Variants in ANGPT2 observed in about 807,000 individuals in gnomAD.
ANGPT2 encodes angiopoietin 2, also known as angiopoietin-2.
ANGPT2 carries 28 observed loss-of-function variants against 62.9 expected under a neutral mutation model. That is an observed-to-expected ratio of 0.44 (90% confidence interval 0.33 to 0.61). The LOEUF (loss-of-function observed/expected upper bound fraction) is 0.61. ANGPT2 is among the 20% of genes least tolerant of loss of function. ANGPT2 has a pLI of 0.03. For missense variants in ANGPT2, 727 were observed against 594.9 expected (o/e 1.22, Z -2.31); for synonymous variants, 284 against 207.8 (o/e 1.37, Z -3.15).
At chr8:6,515,755 G>C (rs1443866988) in intron 5 of ANGPT2, among the ~76,000 whole-genome samples, 1 of 152,214 alleles carries the variant, frequency 6.6e-6, no homozygotes, top group Non-Finnish European at 1.5e-5. Flanking sequence ...AAAACCAATT[G>C]TAAATATTCT....
chr8:6,527,871 A>T (rs1324075174), intron 2 of ANGPT2, among the ~76,000 whole-genome samples, 195 bp from the exon 3 acceptor site: 2 of 148,526 alleles, frequency 1.3e-5, no homozygotes, highest in African/African-American at 4.9e-5. Context: ...AGTGTGTTAA[A>T]CCTTTTTACT....
In ANGPT2 at chr8:6,559,230, A is replaced by AACACACACACACACAC. The variant is rs59299448; in HGVS notation, c.288+3401_288+3416dup. Among the ~76,000 whole-genome samples the AACACACACACACACAC allele has an allele frequency of 4.6e-3, 673 of 146,816 alleles. 8 individuals are homozygous for AACACACACACACACAC. The highest frequency in any genetic ancestry group is 0.022 in the East Asian group (107 of 4,966). ...TGAGTGTTTTGTAGCCACACACGAC[A>AACACACACACACACAC]ACACACACACACACACACACACACA... On this transcript the variant is annotated intron_variant, in intron 1 of 8. Coordinates refer to ENST00000629816, the MANE Select transcript of ANGPT2 (RefSeq NM_001118887.2).
chr8:6,537,865 G>A (rs1405352585), intron 1 of ANGPT2, among the ~76,000 whole-genome samples: 1 of 152,124 alleles, frequency 6.6e-6, no homozygotes, highest in Non-Finnish European at 1.5e-5. Flanking sequence ...ACCAACTGTA[G>A]ATGCTGGTTG....
intron 3 of ANGPT2, among the ~76,000 whole-genome samples, chr8:6,522,315 A>G (rs1817513695): frequency 6.6e-6 from 1 of 152,062 alleles, no homozygotes; most frequent in African/African-American, 2.4e-5. Flanking sequence ...AGATCATGCC[A>G]CTGCACTCCA....
Position 6,503,095 on chromosome 8 carries a change from G to C in ANGPT2, c.*6C>G, listed in dbSNP as rs760950491. ...TCGAGACAGTTCCTCAGGTGGACTGGGATGTTTAGAAATCTGCTGGTCGGA... is the reference window on the plus strand; with the variant it reads ...TCGAGACAGTTCCTCAGGTGGACTGCGATGTTTAGAAATCTGCTGGTCGGA... On this transcript the variant is annotated 3_prime_UTR_variant, in exon 9 of 9. Transcript: ENST00000629816. 7 of 1,614,038 alleles carry C rather than the reference G, an allele frequency of 4.3e-6. No individual in the cohort carries two copies. The highest frequency in any genetic ancestry group is 3.3e-4 in the Middle Eastern group (2 of 6,076).
intron 1 of ANGPT2, among the ~76,000 whole-genome samples, chr8:6,557,760 C>A (rs979317682): frequency 4.0e-5 from 6 of 151,768 alleles, no homozygotes; most frequent in Non-Finnish European, 7.4e-5. Context: ...TGCTGACTTG[C>A]CATTAAGTAC....
At chr8:6,542,492 C>T (rs185663180) in intron 1 of ANGPT2, among the ~76,000 whole-genome samples, 3 of 152,088 alleles carry the variant, frequency 2.0e-5, no homozygotes, top group Admixed American at 6.6e-5. Flanking sequence ...GGGACGCTAG[C>T]GCCTGGGTCA....
chr8:6,512,404 G>A (rs958700442), intron 7 of ANGPT2, among the ~76,000 whole-genome samples: 1 of 152,276 alleles, frequency 6.6e-6, no homozygotes, highest in African/African-American at 2.4e-5. Context: ...TTAATGAGAT[G>A]AAGACGAGAC....
intron 2 of ANGPT2, among the ~76,000 whole-genome samples, chr8:6,531,133 G>A (rs182650424): frequency 3.9e-5 from 6 of 152,084 alleles, no homozygotes; most frequent in Admixed American, 1.3e-4. Context: ...AGCTTGGAGC[G>A]TCTGCATTTG....
intron 1 of ANGPT2, among the ~76,000 whole-genome samples, chr8:6,541,578 A>T (rs1457871491): frequency 2.6e-5 from 4 of 152,170 alleles, no homozygotes; most frequent in Non-Finnish European, 4.4e-5. Context: ...GTGGCCTCTG[A>T]GTTATTCTGC....
intron 1 of ANGPT2, among the ~76,000 whole-genome samples, chr8:6,538,146 G>A (rs1224975970): frequency 6.6e-6 from 1 of 150,994 alleles, no homozygotes; most frequent in Non-Finnish European, 1.5e-5. Context: ...TTCCCACCCA[G>A]CCCTTCCATT....
At chr8:6,520,757 C>CT (rs1296184944) in intron 4 of ANGPT2, among the ~76,000 whole-genome samples, 1 of 152,192 alleles carries the variant, frequency 6.6e-6, no homozygotes, top group Non-Finnish European at 1.5e-5. Context: ...GCAAAATGTG[C>CT]TTAAGAACCT....
At chr8:6,554,596 T>C (rs1419912455) in intron 1 of ANGPT2, among the ~76,000 whole-genome samples, 1 of 152,244 alleles carries the variant, frequency 6.6e-6, no homozygotes, top group Non-Finnish European at 1.5e-5. Flanking sequence ...GTTTTTAAAA[T>C]AGTAAAATAT....
Position 6,505,285 on chromosome 8 carries a change from T to TATATTC in ANGPT2, c.1328-2025_1328-2024insGAATAT, listed in dbSNP as rs1563305563. 3.8e-5 allele frequency among the ~76,000 whole-genome samples: 4 copies of TATATTC among 105,298 alleles called. 1 individual carries two copies. The highest frequency in any genetic ancestry group is 2.0e-4 in the African/African-American group (4 of 19,704). The allele number at this position is 105,298 out of a possible 152,430, so 69.1% of individuals were successfully genotyped here. A position where few individuals can be genotyped will look rare whatever the true frequency, so the allele number is the denominator to read the frequency against. The stretch of plus-strand genomic sequence containing the variant: ...TTTTATATATATGTATACATATATA[T>TATATTC]GTTATATACATATATATGTATATAA... On this transcript the variant is annotated intron_variant, in intron 8 of 8. Coordinates refer to ENST00000629816, the MANE Select transcript of ANGPT2 (RefSeq NM_001118887.2).
intron 1 of ANGPT2, among the ~76,000 whole-genome samples, chr8:6,537,192 G>A (rs1212264412): frequency 2.0e-5 from 3 of 152,138 alleles, no homozygotes; most frequent in African/African-American, 7.2e-5. Context: ...TCGCAGGAAT[G>A]TTTGCCATCG....
At chr8:6,544,758 A>G (rs913374082) in intron 1 of ANGPT2, among the ~76,000 whole-genome samples, 1 of 152,232 alleles carries the variant, frequency 6.6e-6, no homozygotes, top group Non-Finnish European at 1.5e-5. Context: ...ATTTAGAGTT[A>G]CACTTTGCCA....
At chr8:6,532,133 G>A (rs1003171342) in intron 2 of ANGPT2, among the ~76,000 whole-genome samples, 199 bp downstream of exon 2, 1 of 152,124 alleles carries the variant, frequency 6.6e-6, no homozygotes, top group African/African-American at 2.4e-5. Flanking sequence ...TTTAACCTCA[G>A]TATTAAAAAC....
At chr8:6,539,364 T>G (rs1047328413) in intron 1 of ANGPT2, among the ~76,000 whole-genome samples, 1 of 152,152 alleles carries the variant, frequency 6.6e-6, no homozygotes, top group African/African-American at 2.4e-5. Context: ...TTTCTTCACG[T>G]TCAGTGTAAG....
At chr8:6,505,047 T>C (rs1186823728) in intron 8 of ANGPT2, among the ~76,000 whole-genome samples, 1 of 151,376 alleles carries the variant, frequency 6.6e-6, no homozygotes, top group Non-Finnish European at 1.5e-5. Context: ...GATATCTCCA[T>C]ATGTAGGAAA....
Sources: gnomAD v4.1 joint callset for allele counts (sites outside exome capture counted in the v4.1 genomes callset) on GRCh38, gnomAD v4.1.1 for gene constraint, MANE v1.5 for transcripts, NCBI Gene and HGNC (gene_info 2026-07-23, HGNC 2026-07-21) for gene names.